Variants in EMP2 observed in about 807,000 individuals in gnomAD.
EMP2 encodes the protein epithelial membrane protein 2.
In EMP2, 19 loss-of-function variants were observed where a neutral mutation model predicts 13.7. The observed-to-expected ratio is 1.38, with a 90% CI of 0.97 to 2.03. The LOEUF is 2.03. EMP2 is among the 30% of genes most tolerant of loss of function. EMP2 has a pLI of 0.00. For missense variants in EMP2, 253 were observed against 220.7 expected (o/e 1.15, Z -0.93); for synonymous variants, 97 against 84.7 (o/e 1.15, Z -0.80).
intron 1 of EMP2, among the ~76,000 whole-genome samples, chr16:10,575,945 T>C (rs2279867): frequency 0.062 from 9,426 of 152,106 alleles, 427 homozygotes; most frequent in Middle Eastern, 0.13. Context: ...GGATGAGTCA[T>C]GTTTCCAAAA....
chr16:10,571,540 T>C (rs961277085), intron 1 of EMP2, among the ~76,000 whole-genome samples: 5 of 152,110 alleles, frequency 3.3e-5, no homozygotes, highest in African/African-American at 7.2e-5. Context: ...AGTCAGATCA[T>C]GTAAGGCCTG....
intron 2 of EMP2, 104 bp downstream of exon 2, chr16:10,547,436 C>A (rs2142182619): frequency 8.2e-7 from 1 of 1,224,252 alleles, no homozygotes; most frequent in Non-Finnish European, 1.2e-6. Flanking sequence ...ATTACCTAGT[C>A]TCTGGTATGC....
intron 1 of EMP2, among the ~76,000 whole-genome samples, chr16:10,563,228 G>C (rs911832241): frequency 2.0e-5 from 3 of 151,994 alleles, no homozygotes; most frequent in Non-Finnish European, 4.4e-5. Context: ...GTCTCACTCT[G>C]TCACCCAGGC....
chr16:10,567,683 G>C (rs772586500), intron 1 of EMP2, among the ~76,000 whole-genome samples: 2 of 152,210 alleles, frequency 1.3e-5, no homozygotes, highest in Non-Finnish European at 2.9e-5. Flanking sequence ...AAAAGGCAAA[G>C]TGGAGAGACT....
chr16:10,567,278 G>A (rs2050912679), intron 1 of EMP2, among the ~76,000 whole-genome samples: 1 of 152,204 alleles, frequency 6.6e-6, no homozygotes, highest in Non-Finnish European at 1.5e-5. Flanking sequence ...TCAGTGGAGT[G>A]AGGGATGCTG....
chr16:10,577,138 G>C (rs1385215978), intron 1 of EMP2, among the ~76,000 whole-genome samples: 1 of 152,184 alleles, frequency 6.6e-6, no homozygotes, highest in Non-Finnish European at 1.5e-5. Context: ...TGTGTGACCT[G>C]GGCAAGTCAC....
intron 1 of EMP2, among the ~76,000 whole-genome samples, chr16:10,564,401 G>A (rs890137786): frequency 2.0e-5 from 3 of 147,068 alleles, no homozygotes; most frequent in African/African-American, 7.5e-5. Flanking sequence ...TGAGGCAGGA[G>A]AATTGCTTGA....
At chr16:10,567,002 T>C (rs2050910896) in intron 1 of EMP2, among the ~76,000 whole-genome samples, 1 of 152,344 alleles carries the variant, frequency 6.6e-6, no homozygotes. Context: ...CTTGGTGTAA[T>C]TGACTTCTTC....
At chr16:10,578,430 G>A (rs2050999510) in intron 1 of EMP2, among the ~76,000 whole-genome samples, 1 of 152,170 alleles carries the variant, frequency 6.6e-6, no homozygotes, top group South Asian at 2.1e-4. Context: ...GGAGAAGCGG[G>A]GGCGGTTTGC....
At chr16:10,554,507 G>C (rs895023564) in intron 1 of EMP2, among the ~76,000 whole-genome samples, 3 of 152,094 alleles carry the variant, frequency 2.0e-5, no homozygotes, top group African/African-American at 7.2e-5. Flanking sequence ...CACCCATGTT[G>C]CATCCTGCCC....
intron 3 of EMP2, among the ~76,000 whole-genome samples, chr16:10,539,693 T>G (rs6498072): frequency 0.73 from 111,030 of 151,848 alleles, 40,638 homozygotes; most frequent in East Asian, 0.75. Flanking sequence ...CTGCGTTTCC[T>G]TGTTTGTAAA....
At position 10,531,900 on chromosome 16, in the gene EMP2, GC is replaced by G. The variant is rs1348136479; in HGVS notation, c.*1004del. The G allele has an allele frequency of 6.5e-6, 1 of 154,836 alleles. No homozygotes were observed. The highest frequency in any genetic ancestry group is 1.9e-4 in the East Asian group (1 of 5,192). The allele number at this position is 154,836 out of a possible 1,614,324, so 9.6% of individuals were successfully genotyped here. On this transcript the variant is annotated 3_prime_UTR_variant, in exon 5 of 5. Coordinates refer to ENST00000359543, the MANE Select transcript of EMP2 (RefSeq NM_001424.6). Reference sequence around the variant, plus strand: ...CCTTCTGGGATAAGATGGGAAGGAGGCTGTACCCCACACCCTGAAGGTGTCT... The same window carrying G: ...CCTTCTGGGATAAGATGGGAAGGAGGTGTACCCCACACCCTGAAGGTGTCT...
At chr16:10,533,520 C>T (rs1042393624) in intron 4 of EMP2, among the ~76,000 whole-genome samples, 3 of 152,144 alleles carry the variant, frequency 2.0e-5, no homozygotes, top group African/African-American at 4.8e-5. Context: ...TGGTCTAAGC[C>T]AGAGGTCCAC....
In EMP2 at chr16:10,580,296, C is replaced by T. The variant is rs1016163820; in HGVS notation, c.-61+253G>A. 8.5e-5 allele frequency among the ~76,000 whole-genome samples: 13 copies of T among 152,178 alleles called. No homozygotes were observed. Among genetic ancestry groups the T allele is most frequent in the African/African-American group, 1.7e-4 (7 of 41,454 alleles). On this transcript the variant is annotated intron_variant, in intron 1 of 4. Transcript: ENST00000359543. This position sits in a 1 kb window ranked among gnomAD's most constrained non-coding sequence, Gnocchi z 4.3. Reference sequence around the variant, plus strand: ...GCCCTGACTCCTCCCCAAACTTTTCCCGCCTGCTTCGGCTCAAAAGGCGTG... The same window carrying T: ...GCCCTGACTCCTCCCCAAACTTTTCTCGCCTGCTTCGGCTCAAAAGGCGTG...
chr16:10,550,780 G>A (rs2050781351), intron 1 of EMP2, among the ~76,000 whole-genome samples: 1 of 152,146 alleles, frequency 6.6e-6, no homozygotes, highest in South Asian at 2.1e-4. Context: ...TTCGAGACCA[G>A]CCTGGCCAAC....
chr16:10,555,558 C>T (rs1372224890), intron 1 of EMP2, among the ~76,000 whole-genome samples: 1 of 151,920 alleles, frequency 6.6e-6, no homozygotes, highest in Non-Finnish European at 1.5e-5. Flanking sequence ...TTCTGTCATA[C>T]CCCTGTCCTA....
chr16:10,556,878 G>A (rs778012845), intron 1 of EMP2, among the ~76,000 whole-genome samples: 6 of 151,274 alleles, frequency 4.0e-5, no homozygotes, highest in African/African-American at 1.2e-4. Context: ...CTTAGGGCCT[G>A]GTGAAAACCA....
intron 1 of EMP2, among the ~76,000 whole-genome samples, chr16:10,571,585 A>C (rs2142210397): frequency 6.6e-6 from 1 of 152,294 alleles, no homozygotes; most frequent in East Asian, 1.9e-4. Context: ...CTACTGAAGA[A>C]TTTTAAGTGG....
intron 2 of EMP2, chr16:10,545,189 T>A (rs1394008395): frequency 1.3e-5 from 2 of 152,230 alleles, no homozygotes; most frequent in African/African-American, 4.8e-5. Context: ...TGTCTGTCTA[T>A]CCTTTTCACT....
Sources: gnomAD v4.1 joint callset for allele counts (sites outside exome capture counted in the v4.1 genomes callset) on GRCh38, gnomAD v4.1.1 for gene constraint, Gnocchi (gnomAD v3.1) non-coding constraint, MANE v1.5 for transcripts, NCBI Gene and HGNC (gene_info 2026-07-23, HGNC 2026-07-21) for gene names.